CCND1: variants seen among roughly 807,000 people sequenced by gnomAD.
The protein encoded by CCND1 is cyclin D1, also known as G1/S-specific cyclin-D1.
In CCND1, 9 loss-of-function variants were observed where a neutral mutation model predicts 26.1. The observed-to-expected ratio is 0.35, with a 90% CI of 0.21 to 0.60. The LOEUF (loss-of-function observed/expected upper bound fraction) is 0.60, where lower values mean the gene tolerates loss of function less well. CCND1 is among the 20% of genes least tolerant of loss of function. CCND1 has a pLI of 0.79. For missense variants in CCND1, 335 were observed against 392.9 expected (o/e 0.85, Z 1.25); for synonymous variants, 194 against 166.1 (o/e 1.17, Z -1.29).
intron 3 of CCND1, 94 bp downstream of exon 3, chr11:69,644,085 G>A (rs777927066): frequency 7.9e-7 from 1 of 1,268,292 alleles, no homozygotes; most frequent in Non-Finnish European, 1.1e-6. Context: ...GGTGCTGTCT[G>A]GGAAGATGTC....
intron 3 of CCND1, 112 bp downstream of exon 3, chr11:69,644,103 C>A (rs1354000459): frequency 1.9e-6 from 2 of 1,040,126 alleles, no homozygotes; most frequent in Non-Finnish European, 3.0e-6. Context: ...GTCCCCAGAC[C>A]CCCTCCTGCG....
rs1855867895 is a variant in CCND1, at chr11:69,652,543, AG to A, written c.*1262del. 1 of 233,194 alleles carries A rather than the reference AG, an allele frequency of 4.3e-6. No homozygotes were observed. The highest frequency in any genetic ancestry group is 1.8e-4 in the South Asian group (1 of 5,528). 14.4% of individuals were successfully genotyped at this position (233,194 alleles called of 1,614,324 possible). On this transcript the variant is annotated 3_prime_UTR_variant, in exon 5 of 5. Transcript: ENST00000227507. Reference sequence around the variant, plus strand: ...AAGTTCCTTTCCTTTTCTTTAAAGAAGTTGAAGTTTAGGAATCCTTTGGTGC... The same window carrying A: ...AAGTTCCTTTCCTTTTCTTTAAAGAATTGAAGTTTAGGAATCCTTTGGTGC...
At chr11:69,646,627 C>T (rs563740177) in intron 3 of CCND1, among the ~76,000 whole-genome samples, 1 of 152,116 alleles carries the variant, frequency 6.6e-6, no homozygotes, top group Non-Finnish European at 1.5e-5. Flanking sequence ...AGCCCAGGGC[C>T]CCTGGTTCCT....
intron 4 of CCND1, among the ~76,000 whole-genome samples, 183 bp from the exon 5 acceptor site, chr11:69,650,935 A>G (rs1012119376): frequency 1.3e-5 from 2 of 152,182 alleles, no homozygotes; most frequent in Non-Finnish European, 2.9e-5. Context: ...GTGTCCTGAC[A>G]GGTGATGGCA....
rs1855859973 is a variant in CCND1, at chr11:69,651,818, T to G, written c.*536T>G. The G allele has an allele frequency of 4.3e-6, 1 of 233,228 alleles. No individual in the cohort carries two copies. Among genetic ancestry groups the G allele is most frequent in the Non-Finnish European group, 8.5e-6 (1 of 118,102 alleles). 14.4% of individuals were successfully genotyped at this position (233,228 alleles called of 1,614,324 possible). A position where few individuals can be genotyped will look rare whatever the true frequency, so the allele number is the denominator to read the frequency against. On this transcript the variant is annotated 3_prime_UTR_variant, in exon 5 of 5. Transcript: ENST00000227507. ...TTTTCCTGATAAAGCACAGCTGTAG[T>G]GGGGTTCTAGGCATCTCTGTACTTT...
At position 69,654,193 on chromosome 11, in the gene CCND1, C is replaced by T. The variant is rs988263745; in HGVS notation, c.*2911C>T. ...CTGGCTGCGGCGTCTGTCTGAACCA[C>T]GCGGGGGCCTTGAGGGACGCTTTGT... On this transcript the variant is annotated 3_prime_UTR_variant, in exon 5 of 5. Transcript: ENST00000227507. The surrounding 1 kb of genome is among the most constrained non-coding windows in gnomAD (Gnocchi z 6.3). 2.0e-5 allele frequency: 14 copies of T among 701,950 alleles called. No homozygotes were observed. Among genetic ancestry groups the T allele is most frequent in the African/African-American group, 3.5e-5 (2 of 57,194 alleles). The allele number at this position is 701,950 out of a possible 1,614,324, so 43.5% of individuals were successfully genotyped here.
Position 69,643,185 on chromosome 11 carries a change from C to T in CCND1, c.353C>T (p.Pro118Leu), listed in dbSNP as rs2120089716. ...GCCTCTAAGATGAAGGAGACCATCC[C>T]CCTGACGGCCGAGAAGCTGTGCATC... ...FVASKMKETI[P>L]LTAEKLCIYT... Residue 118 changes from proline (P) to leucine (L), a missense_variant, in exon 2 of 5, where the codon CCC (proline) becomes CTC (leucine). Coordinates refer to ENST00000227507, the MANE Select transcript of CCND1 (RefSeq NM_053056.3). 6.2e-7 allele frequency: 1 copy of T among 1,606,808 alleles called. No homozygotes were observed. Among genetic ancestry groups the T allele is most frequent in the Non-Finnish European group, 8.5e-7 (1 of 1,176,976 alleles).
At position 69,652,688 on chromosome 11, in the gene CCND1, G is replaced by C. The variant is rs1390800209; in HGVS notation, c.*1406G>C. ...TAAACACTAAAATATATAATTTATAGTTAAGGCTAAAAAGTATATTTATTG... is the reference window on the plus strand; with the variant it reads ...TAAACACTAAAATATATAATTTATACTTAAGGCTAAAAAGTATATTTATTG... On this transcript the variant is annotated 3_prime_UTR_variant, in exon 5 of 5. Coordinates refer to ENST00000227507, the MANE Select transcript of CCND1 (RefSeq NM_053056.3). 2 of 233,164 alleles carry C rather than the reference G, an allele frequency of 8.6e-6. No homozygotes were observed. The highest frequency in any genetic ancestry group is 1.2e-4 in the East Asian group (2 of 16,578). The allele number at this position is 233,164 out of a possible 1,614,324, so 14.4% of individuals were successfully genotyped here. A position where few individuals can be genotyped will look rare whatever the true frequency, so the allele number is the denominator to read the frequency against.
chr11:69,649,242 C>T (rs1855824476), intron 4 of CCND1, among the ~76,000 whole-genome samples: 1 of 152,212 alleles, frequency 6.6e-6, no homozygotes, highest in African/African-American at 2.4e-5. Context: ...AAATGAAACT[C>T]GCGTCTGCAC....
rs765501135 is a variant in CCND1, at chr11:69,651,107, C to T, written c.724-11C>T. 1 of 1,610,792 alleles carries T rather than the reference C, an allele frequency of 6.2e-7. No homozygotes were observed. ...CCCTCTTCCCACCTCTCCCCACCCT[C>T]TCTCTCTCAGGACTGCCTCCGGGCC... is the stretch of plus-strand genomic sequence containing the variant. On this transcript the variant is annotated splice_polypyrimidine_tract_variant and intron_variant, in intron 4 of 4. Transcript: ENST00000227507.
rs191306538 is a variant in CCND1 at position 69,653,211 on chromosome 11, G to T, written c.*1929G>T. 1.4e-6 allele frequency: 1 copy of T among 694,932 alleles called. No homozygotes were observed. Among genetic ancestry groups the T allele is most frequent in the Non-Finnish European group, 2.6e-6 (1 of 381,286 alleles). 43.0% of individuals were successfully genotyped at this position (694,932 alleles called of 1,614,324 possible). A position where few individuals can be genotyped will look rare whatever the true frequency, so the allele number is the denominator to read the frequency against. On this transcript the variant is annotated 3_prime_UTR_variant, in exon 5 of 5. Transcript: ENST00000227507. ...GAGGGGAAGGGGCGGTGCCCACACC[G>T]GGGACAGGCCGCAGCTCCATTTTCT... is the stretch of plus-strand genomic sequence containing the variant.
intron 3 of CCND1, among the ~76,000 whole-genome samples, chr11:69,647,620 A>G (rs1378630296): frequency 6.6e-6 from 1 of 152,174 alleles, no homozygotes; most frequent in Non-Finnish European, 1.5e-5. Context: ...ACGTCCTCAT[A>G]TTTGCGTCAT....
rs925576722 is a variant in CCND1, at chr11:69,641,628, G to T, written c.198+117G>T. The T allele has an allele frequency of 3.4e-5, 33 of 971,246 alleles. No individual in the cohort carries two copies. The African/African-American group carries it at 5.3e-4, about 16-fold the overall frequency. 60.2% of individuals were successfully genotyped at this position (971,246 alleles called of 1,614,324 possible). A position where few individuals can be genotyped will look rare whatever the true frequency, so the allele number is the denominator to read the frequency against. On this transcript the variant is annotated intron_variant, in intron 1 of 4. Transcript: ENST00000227507. ...CCGCTAGAACTTTGAAGTTTGCCGT[G>T]GTGTTTCTAGGGATCCGTATTTTCA...
intron 3 of CCND1, among the ~76,000 whole-genome samples, chr11:69,644,638 C>T (rs1855756115): frequency 1.3e-5 from 2 of 152,184 alleles, no homozygotes; most frequent in Admixed American, 1.3e-4. Flanking sequence ...AGCACCCAGT[C>T]CTCACTTCCC....
At chr11:69,645,105 C>G (rs1198818364) in intron 3 of CCND1, among the ~76,000 whole-genome samples, 3 of 152,178 alleles carry the variant, frequency 2.0e-5, no homozygotes, top group Non-Finnish European at 4.4e-5. Flanking sequence ...ACCCCTCCCC[C>G]ACGTTTCCAA....
intron 4 of CCND1, among the ~76,000 whole-genome samples, chr11:69,650,472 C>T (rs1247319450): frequency 1.3e-5 from 2 of 152,188 alleles, no homozygotes; most frequent in Non-Finnish European, 2.9e-5. Flanking sequence ...GAGCGTCCGT[C>T]GCACTCCACC....
chr11:69,646,079 T>A (rs1437738965), intron 3 of CCND1, among the ~76,000 whole-genome samples: 2 of 151,890 alleles, frequency 1.3e-5, no homozygotes, highest in East Asian at 3.9e-4. Context: ...GGCACGAGCT[T>A]CTGAAACAAC....
chr11:69,648,373 G>A (rs1014703747), intron 4 of CCND1: 8 of 550,842 alleles, frequency 1.5e-5, no homozygotes, highest in Admixed American at 9.7e-5. Context: ...CGTCCCCTGG[G>A]GCTTCCAGGA....
intron 2 of CCND1, among the ~76,000 whole-genome samples, chr11:69,643,501 C>T (rs1486485709): frequency 3.9e-5 from 6 of 152,232 alleles, no homozygotes; most frequent in Non-Finnish European, 7.3e-5. Flanking sequence ...AAGTGGGCGG[C>T]GCGCGCCCTC....
Sources: allele counts gnomAD v4.1 joint callset (sites outside exome capture counted in the v4.1 genomes callset), GRCh38; gene constraint gnomAD v4.1.1; non-coding constraint Gnocchi (gnomAD v3.1); transcripts MANE v1.5; gene names NCBI Gene and HGNC (gene_info 2026-07-23, HGNC 2026-07-21).